BICD1: variants seen among roughly 807,000 people sequenced by gnomAD.
The protein encoded by BICD1 is protein bicaudal D homolog 1.
Under a neutral mutation model 92.5 loss-of-function variants are expected in BICD1, and 35 were observed. That is an observed-to-expected ratio of 0.38 (90% CI 0.29 to 0.50). The LOEUF (loss-of-function observed/expected upper bound fraction) is 0.50, where lower values mean the gene tolerates loss of function less well. BICD1 is among the 20% of genes least tolerant of loss of function. BICD1 has a pLI of 0.93. For missense variants in BICD1, 950 were observed against 1,189.8 expected (o/e 0.80, Z 2.97); for synonymous variants, 429 against 465.1 (o/e 0.92, Z 1.00).
At chr12:32,360,177 C>CAA (rs200083582) in intron 8 of BICD1, among the ~76,000 whole-genome samples, 6 of 133,796 alleles carry the variant, frequency 4.5e-5, no homozygotes, top group South Asian at 2.3e-4. Flanking sequence ...GACTCCATCT[C>CAA]AAAAAAAAAA....
chr12:32,111,216 A>G (rs913020099), intron 1 of BICD1, among the ~76,000 whole-genome samples: 4 of 152,324 alleles, frequency 2.6e-5, no homozygotes, highest in Middle Eastern at 3.4e-3. Flanking sequence ...CCCTGACACC[A>G]AGGATAGTTA....
intron 2 of BICD1, among the ~76,000 whole-genome samples, chr12:32,255,491 A>C (rs1313708005): frequency 6.6e-6 from 1 of 152,166 alleles, no homozygotes; most frequent in Non-Finnish European, 1.5e-5. Context: ...AAAAATGCTC[A>C]TTTATTCTAC....
intron 1 of BICD1, among the ~76,000 whole-genome samples, chr12:32,170,779 C>T (rs984694332): frequency 1.3e-5 from 2 of 152,238 alleles, no homozygotes; most frequent in South Asian, 2.1e-4. Context: ...TGGTTATTTC[C>T]GGAGATATTT....
At chr12:32,342,962 A>T (rs898503227) in intron 8 of BICD1, among the ~76,000 whole-genome samples, 1 of 152,188 alleles carries the variant, frequency 6.6e-6, no homozygotes, top group African/African-American at 2.4e-5. Context: ...CAACCTTTTA[A>T]GGGAAAATTC....
chr12:32,239,065 C>T (rs1946158610), intron 2 of BICD1, among the ~76,000 whole-genome samples: 1 of 142,596 alleles, frequency 7.0e-6, no homozygotes, highest in Admixed American at 7.2e-5. Context: ...GCTAACATGG[C>T]GAAACCCCGT....
chr12:32,256,037 TATA>T (rs1946709694), intron 2 of BICD1, among the ~76,000 whole-genome samples: 1 of 152,094 alleles, frequency 6.6e-6, no homozygotes, highest in Admixed American at 6.6e-5. Context: ...TTGCCATTAT[TATA>T]ATTATTGTTA....
In BICD1 at chr12:32,343,084, T is replaced by C. The variant is rs533770118; in HGVS notation, c.2764+4105T>C. Among the ~76,000 whole-genome samples, 7 of 152,338 alleles carry C rather than the reference T, an allele frequency of 4.6e-5. No homozygotes were observed. In the East Asian group the frequency reaches 1.3e-3, roughly 29 times the overall value. On this transcript the variant is annotated intron_variant, in intron 8 of 9. Transcript: ENST00000652176. ...CTTGTTCTTGACTTTATCCTTATCC[T>C]GGCACACAAATTCCAGTGTCCTTCC...
At chr12:32,296,710 G>A (rs1947883947) in intron 3 of BICD1, among the ~76,000 whole-genome samples, 1 of 152,152 alleles carries the variant, frequency 6.6e-6, no homozygotes, top group Non-Finnish European at 1.5e-5. Flanking sequence ...GTGAGAGCAC[G>A]ATCAGCAGCC....
At position 32,337,916 on chromosome 12, in the gene BICD1, C is replaced by T. The variant is rs1057779; in HGVS notation, c.2570+100C>T. On this transcript the variant is annotated intron_variant, in intron 7 of 9. Transcript: ENST00000652176. The surrounding 1 kb of genome is among the most constrained non-coding windows in gnomAD (Gnocchi z 4.7). ...GTTGTGGAGGATGGAGGAGGGGAAGCAAAAGAAAAAATGGGAGCTGGCATA... is the reference window on the plus strand; with the variant it reads ...GTTGTGGAGGATGGAGGAGGGGAAGTAAAAGAAAAAATGGGAGCTGGCATA... 3 of 1,372,950 alleles carry T rather than the reference C, an allele frequency of 2.2e-6. No individual in the cohort carries two copies. Among genetic ancestry groups the T allele is most frequent in the African/African-American group, 2.9e-5 (2 of 69,092 alleles). The allele number at this position is 1,372,950 out of a possible 1,614,324, so 85.0% of individuals were successfully genotyped here.
At chr12:32,156,536 G>A (rs1342320245) in intron 1 of BICD1, among the ~76,000 whole-genome samples, 1 of 152,202 alleles carries the variant, frequency 6.6e-6, no homozygotes, top group African/African-American at 2.4e-5. Context: ...CTCAGAATGA[G>A]GCACTCTCTG....
At chr12:32,365,378 G>C (rs1006291389) in intron 8 of BICD1, among the ~76,000 whole-genome samples, 1 of 152,226 alleles carries the variant, frequency 6.6e-6, no homozygotes, top group Non-Finnish European at 1.5e-5. Flanking sequence ...CTGTGGTTCT[G>C]ATCACCTGCT....
rs1183727876 is a variant in BICD1, at chr12:32,327,718, G to C, written c.1263G>C (p.Arg421Ser). ...TAGAGATCCTTGAATGCAAATACAG[G>C]GTGGCAGTAACTGAGGTGATTGATC... is the stretch of plus-strand genomic sequence containing the variant. The part of the protein sequence containing the change: ...NGLEILECKY[R>S]VAVTEVIDLK... Residue 421 changes from arginine (R) to serine (S), a missense_variant, in exon 5 of 10, where the codon AGG (arginine) becomes AGC (serine). Around this residue, in one of 5 missense-constraint regions of BICD1, gnomAD observed 309 missense variants for 499.4 expected, o/e 0.62. Coordinates refer to ENST00000652176, the MANE Select transcript of BICD1 (RefSeq NM_001714.4). 8.1e-6 allele frequency: 13 copies of C among 1,614,166 alleles called. No individual in the cohort carries two copies. The highest frequency in any genetic ancestry group is 1.3e-5 in the African/African-American group (1 of 75,046).
intron 1 of BICD1, among the ~76,000 whole-genome samples, chr12:32,188,197 C>T (rs574465633): frequency 1.3e-5 from 2 of 152,160 alleles, no homozygotes; most frequent in Non-Finnish European, 2.9e-5. Flanking sequence ...CTCGGCCTCC[C>T]AAAGTACTGG....
At chr12:32,163,301 G>A (rs979674188) in intron 1 of BICD1, among the ~76,000 whole-genome samples, 11 of 152,156 alleles carry the variant, frequency 7.2e-5, no homozygotes, top group East Asian at 3.9e-4. Context: ...CTAGGGTACT[G>A]AGGTGGATAG....
intron 3 of BICD1, among the ~76,000 whole-genome samples, chr12:32,295,030 C>T (rs1243884745): frequency 7.1e-6 from 1 of 140,238 alleles, no homozygotes; most frequent in Admixed American, 7.7e-5. Context: ...TGCAGTGAGC[C>T]GAGATTACAC....
chr12:32,324,984 T>G (rs923665728), intron 4 of BICD1, among the ~76,000 whole-genome samples: 2 of 152,192 alleles, frequency 1.3e-5, no homozygotes. Flanking sequence ...ATTTCCATAT[T>G]CAGTTATTTC....
chr12:32,242,539 A>T lies in BICD1; in HGVS notation c.426+26080A>T, dbSNP rs558853519. On this transcript the variant is annotated intron_variant, in intron 2 of 9. Transcript: ENST00000652176. ...GAGACTCTGTCTTAAAAGAAAAAAA[A>T]AAAATTCACAAAAGAAAAATTGTAT... 4.6e-5 allele frequency among the ~76,000 whole-genome samples: 7 copies of T among 152,242 alleles called. No homozygotes were observed. In the South Asian group the frequency reaches 1.5e-3, roughly 32 times the overall value.
At chr12:32,339,077 T>C in intron 8 of BICD1, 98 bp downstream of exon 8, 1 of 1,402,758 alleles carries the variant, frequency 7.1e-7, no homozygotes, top group Non-Finnish European at 9.2e-7. Context: ...CTGCAGAGTA[T>C]ACCTTTGATG....
chr12:32,152,256 C>CTTT lies in BICD1; in HGVS notation c.213+44724_213+44726dup, dbSNP rs34386503. Among the ~76,000 whole-genome samples, 158 of 146,124 alleles carry CTTT rather than the reference C, an allele frequency of 1.1e-3. 1 individual carries two copies. The highest frequency in any genetic ancestry group is 2.7e-3 in the African/African-American group (107 of 39,576). On this transcript the variant is annotated intron_variant, in intron 1 of 9. Transcript: ENST00000652176. ...ACAGGCAGAGACTAGTTTTTTTTAA[C>CTTT]TTTTTTTTTTTTTTAACAGTCTTGC...
Sources: allele counts gnomAD v4.1 joint callset (sites outside exome capture counted in the v4.1 genomes callset), GRCh38; gene constraint gnomAD v4.1.1; regional missense constraint gnomAD v4.1.1; non-coding constraint Gnocchi (gnomAD v3.1); transcripts MANE v1.5; gene names NCBI Gene and HGNC (gene_info 2026-07-23, HGNC 2026-07-21).